Variants in FAM184A observed in about 807,000 individuals in gnomAD.
FAM184A encodes the protein family with sequence similarity 184 member A.
In FAM184A, 99 loss-of-function variants were observed where a neutral mutation model predicts 143.8. The observed-to-expected ratio is 0.69, with a 90% CI of 0.58 to 0.81. The LOEUF (loss-of-function observed/expected upper bound fraction) is 0.81. FAM184A is among the 40% of genes least tolerant of loss of function. The pLI is 0.00. For synonymous variants in FAM184A, 427 were observed against 446.4 expected (o/e 0.96, Z 0.55); for missense variants, 1,217 against 1,310.5 (o/e 0.93, Z 1.10).
At chr6:119,025,769 A>G (rs1785612286) in intron 1 of FAM184A, among the ~76,000 whole-genome samples, 1 of 152,228 alleles carries the variant, frequency 6.6e-6, no homozygotes, top group Non-Finnish European at 1.5e-5. Flanking sequence ...ACACTGTACA[A>G]TCAAAAAATC....
chr6:119,124,347 A>G (rs1192378003), intron 1 of FAM184A, among the ~76,000 whole-genome samples: 3 of 152,178 alleles, frequency 2.0e-5, no homozygotes, highest in African/African-American at 7.2e-5. Context: ...AACAACTTTT[A>G]TTGACTGGCA....
chr6:119,044,591 T>TAAAA (rs71748144), intron 1 of FAM184A, among the ~76,000 whole-genome samples: 1 of 131,180 alleles, frequency 7.6e-6, no homozygotes, highest in East Asian at 2.1e-4. Flanking sequence ...TCTCTTTAAT[T>TAAAA]AAAAAAAAAA....
intron 14 of FAM184A, among the ~76,000 whole-genome samples, chr6:118,974,063 A>G (rs1021498382): frequency 7.9e-5 from 12 of 152,128 alleles, no homozygotes; most frequent in African/African-American, 2.7e-4. Context: ...AATATACATT[A>G]TTAGTGTGTA....
intron 9 of FAM184A, among the ~76,000 whole-genome samples, chr6:118,993,930 G>A (rs1323260478): frequency 2.0e-5 from 3 of 152,112 alleles, no homozygotes; most frequent in Non-Finnish European, 4.4e-5. Context: ...CCCTAACAAG[G>A]CAAAGAAGGC....
chr6:119,002,486 T>A (rs1784794143), intron 9 of FAM184A, among the ~76,000 whole-genome samples: 1 of 152,150 alleles, frequency 6.6e-6, no homozygotes, highest in African/African-American at 2.4e-5. Context: ...GCTCCTTTGG[T>A]GAGAAAAGTA....
chr6:119,110,631 C>T (rs1788907854), intron 1 of FAM184A, among the ~76,000 whole-genome samples: 1 of 152,170 alleles, frequency 6.6e-6, no homozygotes, highest in Non-Finnish European at 1.5e-5. Context: ...ATTTTCAGAG[C>T]TTGAAGATGT....
intron 5 of FAM184A, among the ~76,000 whole-genome samples, chr6:119,013,551 C>G (rs1328478997): frequency 6.6e-6 from 1 of 152,220 alleles, no homozygotes. Context: ...CCCAGAACTG[C>G]TAAGCATGCA....
chr6:119,026,628 T>C (rs1562479562), intron 1 of FAM184A, among the ~76,000 whole-genome samples: 3 of 152,170 alleles, frequency 2.0e-5, no homozygotes, highest in Admixed American at 2.0e-4. Context: ...TTCTGCACTC[T>C]ATACTTCGGG....
At chr6:118,998,108 A>C (rs1784628791) in intron 9 of FAM184A, among the ~76,000 whole-genome samples, 1 of 152,140 alleles carries the variant, frequency 6.6e-6, no homozygotes. Flanking sequence ...CCAGTCACCC[A>C]CACCCCACCC....
At chr6:119,133,973 T>C (rs996547101) in intron 1 of FAM184A, among the ~76,000 whole-genome samples, 1 of 151,870 alleles carries the variant, frequency 6.6e-6, no homozygotes, top group Non-Finnish European at 1.5e-5. Context: ...TGAACCCTCA[T>C]GCACAGCGAG....
intron 14 of FAM184A, among the ~76,000 whole-genome samples, chr6:118,968,432 T>C (rs181076032): frequency 6.6e-6 from 1 of 152,362 alleles, no homozygotes; most frequent in East Asian, 1.9e-4. Context: ...TTTGTTCTTT[T>C]GTGACAATAG....
intron 1 of FAM184A, among the ~76,000 whole-genome samples, chr6:119,089,420 G>C (rs1484202658): frequency 6.6e-6 from 1 of 151,820 alleles, no homozygotes. Flanking sequence ...TCAAACTCCT[G>C]ACGTCAAATG....
chr6:119,108,281 G>A (rs552474434), intron 1 of FAM184A, among the ~76,000 whole-genome samples: 3 of 152,136 alleles, frequency 2.0e-5, no homozygotes, highest in South Asian at 2.1e-4. Flanking sequence ...CACTCTCACC[G>A]AATAATTTTT....
At chr6:119,115,846 G>A (rs995634901) in intron 1 of FAM184A, among the ~76,000 whole-genome samples, 1 of 151,972 alleles carries the variant, frequency 6.6e-6, no homozygotes, top group Non-Finnish European at 1.5e-5. Context: ...GCACACGCTT[G>A]TAGTCCCAGC....
intron 4 of FAM184A, among the ~76,000 whole-genome samples, chr6:119,018,617 GA>G (rs1453976071): frequency 6.6e-6 from 1 of 152,174 alleles, no homozygotes; most frequent in Non-Finnish European, 1.5e-5. Flanking sequence ...AGAAATCACT[GA>G]AGTTTTAAGC....
chr6:119,009,361 T>C (rs1785022569), intron 6 of FAM184A, among the ~76,000 whole-genome samples: 1 of 152,174 alleles, frequency 6.6e-6, no homozygotes, highest in African/African-American at 2.4e-5. Flanking sequence ...GGTGGGTCTT[T>C]CCTGCGCTGT....
At position 119,092,623 on chromosome 6, in the gene FAM184A, A is replaced by G. The variant is rs566629782; in HGVS notation, c.-202+56455T>C. 4.5e-4 allele frequency among the ~76,000 whole-genome samples: 69 copies of G among 152,222 alleles called. 1 individual carries two copies. The highest frequency in any genetic ancestry group is 1.5e-3 in the African/African-American group (63 of 41,534). Reference sequence around the variant, plus strand: ...AGTGTCACCTCAGATCCTGTATCTAACAGCCCTTGAAAGGTCTGAATAAAT... The same window carrying G: ...AGTGTCACCTCAGATCCTGTATCTAGCAGCCCTTGAAAGGTCTGAATAAAT... On this transcript the variant is annotated intron_variant, in intron 1 of 16. Coordinates refer to the FAM184A transcript ENST00000352896.
intron 1 of FAM184A, among the ~76,000 whole-genome samples, chr6:119,086,733 G>C (rs575320061): frequency 6.6e-6 from 1 of 152,210 alleles, no homozygotes; most frequent in African/African-American, 2.4e-5. Flanking sequence ...CCATTGGAGG[G>C]CTTTAAGCAG....
intron 1 of FAM184A, among the ~76,000 whole-genome samples, chr6:119,038,454 G>C (rs547655903): frequency 6.8e-4 from 104 of 152,206 alleles, no homozygotes; most frequent in Admixed American, 1.4e-3. Flanking sequence ...TGCAGTAAAG[G>C]AGTCAGCTAA....
Sources: gnomAD v4.1 joint callset for allele counts (sites outside exome capture counted in the v4.1 genomes callset) on GRCh38, gnomAD v4.1.1 for gene constraint, MANE v1.5 for transcripts, NCBI Gene and HGNC (gene_info 2026-07-23, HGNC 2026-07-21) for gene names.